Variants in TAFA2 observed in about 807,000 individuals in gnomAD.
The protein encoded by TAFA2 is chemokine-like protein TAFA-2.
In TAFA2, 7 loss-of-function variants were observed where a neutral mutation model predicts 18.8. The observed-to-expected ratio is 0.37, with a 90% CI of 0.21 to 0.70. The LOEUF (loss-of-function observed/expected upper bound fraction) is 0.70. TAFA2 is among the 30% of genes least tolerant of loss of function. TAFA2 has a pLI of 0.53. For missense variants in TAFA2, 122 were observed against 158.1 expected (o/e 0.77, Z 1.23); for synonymous variants, 60 against 54.2 (o/e 1.11, Z -0.47).
chr12:61,793,384 G>C (rs1484368865), intron 2 of TAFA2, among the ~76,000 whole-genome samples: 1 of 149,434 alleles, frequency 6.7e-6, no homozygotes, highest in Non-Finnish European at 1.5e-5. Flanking sequence ...ACAAATGTTA[G>C]AAGAAAAAAA....
chr12:62,017,820 C>T (rs1880989801), intron 1 of TAFA2, among the ~76,000 whole-genome samples: 1 of 152,008 alleles, frequency 6.6e-6, no homozygotes, highest in South Asian at 2.1e-4. Flanking sequence ...TAAAAGAAAA[C>T]AAGCAGCCAA....
chr12:61,792,088 G>T (rs981854156), intron 2 of TAFA2, among the ~76,000 whole-genome samples: 1 of 151,586 alleles, frequency 6.6e-6, no homozygotes, highest in Non-Finnish European at 1.5e-5. Flanking sequence ...GAAGACAACT[G>T]TGTTAAGTGA....
At chr12:61,948,006 G>A (rs349874) in intron 1 of TAFA2, among the ~76,000 whole-genome samples, 1 of 151,958 alleles carries the variant, frequency 6.6e-6, no homozygotes, top group Non-Finnish European at 1.5e-5. Flanking sequence ...AGAAGCCACA[G>A]AATCTGGAAG....
intron 1 of TAFA2, among the ~76,000 whole-genome samples, chr12:61,888,972 C>A (rs1292206164): frequency 1.3e-5 from 2 of 152,158 alleles, no homozygotes; most frequent in African/African-American, 4.8e-5. Context: ...AGGCTAAACT[C>A]CCCTGGAGTG....
chr12:61,904,738 A>C (rs1353438266), intron 1 of TAFA2, among the ~76,000 whole-genome samples: 1 of 152,068 alleles, frequency 6.6e-6, no homozygotes, highest in Non-Finnish European at 1.5e-5. Flanking sequence ...AAAAATTTAG[A>C]CTCATTCCCT....
chr12:61,958,169 TA>T (rs752164044), intron 1 of TAFA2, among the ~76,000 whole-genome samples: 8 of 152,104 alleles, frequency 5.3e-5, no homozygotes. Flanking sequence ...TGAGCCAAAT[TA>T]TTAATCTTCC....
chr12:61,869,622 A>T (rs1459337057), intron 1 of TAFA2, among the ~76,000 whole-genome samples: 1 of 151,992 alleles, frequency 6.6e-6, no homozygotes, highest in Non-Finnish European at 1.5e-5. Flanking sequence ...TTTTCCAAGA[A>T]CCTCCTCCAC....
intron 1 of TAFA2, among the ~76,000 whole-genome samples, chr12:62,048,654 C>T (rs1310150431): frequency 1.3e-5 from 2 of 152,146 alleles, no homozygotes; most frequent in Admixed American, 1.3e-4. Flanking sequence ...ATATCAAATT[C>T]ATTATTACTT....
chr12:62,104,337 A>C (rs1869350544), intron 1 of TAFA2, among the ~76,000 whole-genome samples: 1 of 151,968 alleles, frequency 6.6e-6, no homozygotes, highest in African/African-American at 2.4e-5. Context: ...ATTAACCCTC[A>C]GCGATTTTAG....
chr12:61,969,320 T>C (rs1020334676), intron 1 of TAFA2, among the ~76,000 whole-genome samples: 8 of 151,778 alleles, frequency 5.3e-5, no homozygotes, highest in African/African-American at 7.2e-5. Context: ...AAGACTATTA[T>C]TCATTAGTGA....
intron 1 of TAFA2, among the ~76,000 whole-genome samples, chr12:61,925,629 C>A (rs1212299243): frequency 6.6e-6 from 1 of 152,114 alleles, no homozygotes; most frequent in Non-Finnish European, 1.5e-5. Flanking sequence ...AAATTTATAG[C>A]ACTAAGTGCC....
intron 4 of TAFA2, among the ~76,000 whole-genome samples, chr12:61,743,194 T>C (rs1247416197): frequency 1.3e-5 from 2 of 152,082 alleles, no homozygotes; most frequent in Non-Finnish European, 2.9e-5. Context: ...TATTCCGTCA[T>C]GCCTTCATAT....
chr12:61,747,879 GA>G (rs34523019), intron 4 of TAFA2, among the ~76,000 whole-genome samples: 25,100 of 145,632 alleles, frequency 0.17, 2,473 homozygotes, highest in African/African-American at 0.26. Flanking sequence ...TAATAAAAAA[GA>G]AAAAAAAAAG....
At chr12:61,908,834 A>G (rs886493193) in intron 1 of TAFA2, among the ~76,000 whole-genome samples, 7 of 152,202 alleles carry the variant, frequency 4.6e-5, no homozygotes, top group Non-Finnish European at 1.0e-4. Context: ...ATAATATGCC[A>G]TGGTCTTTCC....
chr12:61,836,016 C>T (rs768976243), intron 2 of TAFA2, among the ~76,000 whole-genome samples: 7 of 151,770 alleles, frequency 4.6e-5, no homozygotes, highest in Non-Finnish European at 8.8e-5. Context: ...TACAATTATA[C>T]AATTCTGGAA....
At chr12:61,956,134 T>C (rs768436861) in intron 1 of TAFA2, among the ~76,000 whole-genome samples, 19 of 148,946 alleles carry the variant, frequency 1.3e-4, no homozygotes, top group Non-Finnish European at 2.6e-4. Flanking sequence ...CTAAACATTT[T>C]CAAGTATCCT....
intron 1 of TAFA2, among the ~76,000 whole-genome samples, chr12:62,094,964 A>G (rs1868884005): frequency 6.6e-6 from 1 of 152,132 alleles, no homozygotes; most frequent in African/African-American, 2.4e-5. Flanking sequence ...AGCATTAGCC[A>G]TTAACAAATT....
chr12:61,846,332 G>C (rs1238362695), intron 2 of TAFA2, among the ~76,000 whole-genome samples: 1 of 151,988 alleles, frequency 6.6e-6, no homozygotes, highest in Non-Finnish European at 1.5e-5. Flanking sequence ...TAAGATGTTG[G>C]GCTCTTTCTT....
At chr12:61,753,546 A>G (rs1869118851) in intron 4 of TAFA2, 76 bp downstream of exon 4, 1 of 1,352,250 alleles carries the variant, frequency 7.4e-7, no homozygotes. Context: ...ATTGCCACTT[A>G]AATTGGTTAC....
Sources: gnomAD v4.1 joint callset for allele counts (sites outside exome capture counted in the v4.1 genomes callset) on GRCh38, gnomAD v4.1.1 for gene constraint, MANE v1.5 for transcripts, NCBI Gene and HGNC (gene_info 2026-07-23, HGNC 2026-07-21) for gene names.